Variants in USP32 observed in about 807,000 individuals in gnomAD.
The protein encoded by USP32 is ubiquitin carboxyl-terminal hydrolase 32.
USP32 carries 59 observed loss-of-function variants against 204.8 expected under a neutral mutation model. The observed-to-expected ratio is 0.29, with a 90% CI of 0.23 to 0.36. The LOEUF is 0.36. USP32 is among the 10% of genes least tolerant of loss of function. USP32 has a pLI of 1.00. For missense variants in USP32, 1,160 were observed against 1,946.4 expected (o/e 0.60, Z 7.60); for synonymous variants, 517 against 678.4 (o/e 0.76, Z 3.70).
At chr17:60,278,002 G>A (rs1190310835) in intron 5 of USP32, among the ~76,000 whole-genome samples, 3 of 149,850 alleles carry the variant, frequency 2.0e-5, no homozygotes, top group Admixed American at 6.6e-5. Context: ...AACCTCCTGG[G>A]CTCAAGTGAT....
In USP32 at chr17:60,345,628, G is replaced by T. The variant is rs777815802; in HGVS notation, c.59-20C>A. On this transcript the variant is annotated intron_variant, in intron 1 of 33. Transcript: ENST00000300896. ...CTGTAACTGCAATTCAGAAACAGAA[G>T]ATGGGTAAGAAATCAGGAGAGAAAA... is the stretch of plus-strand genomic sequence containing the variant. 6.2e-7 allele frequency: 1 copy of T among 1,613,698 alleles called. No individual in the cohort carries two copies. The highest frequency in any genetic ancestry group is 8.5e-7 in the Non-Finnish European group (1 of 1,179,784).
chr17:60,387,829 T>C (rs1351662616), intron 1 of USP32, among the ~76,000 whole-genome samples: 1 of 152,178 alleles, frequency 6.6e-6, no homozygotes, highest in African/African-American at 2.4e-5. Context: ...AACACAGTAA[T>C]GCATTGAAAA....
chr17:60,357,497 G>A (rs913805291), intron 1 of USP32, among the ~76,000 whole-genome samples: 1 of 151,642 alleles, frequency 6.6e-6, no homozygotes. Flanking sequence ...GACCAAGCAA[G>A]CAACAGAGCA....
intron 30 of USP32, among the ~76,000 whole-genome samples, chr17:60,184,212 G>A (rs917802203): frequency 1.3e-5 from 2 of 151,720 alleles, no homozygotes; most frequent in African/African-American, 4.8e-5. Flanking sequence ...CTACTCAGGA[G>A]GCTGAGGCAG....
chr17:60,367,935 C>T (rs574201504), intron 1 of USP32, among the ~76,000 whole-genome samples: 5 of 152,002 alleles, frequency 3.3e-5, no homozygotes, highest in African/African-American at 7.2e-5. Flanking sequence ...GCCATTTACA[C>T]GGCACTTACA....
At chr17:60,352,535 T>C (rs1310033916) in intron 1 of USP32, among the ~76,000 whole-genome samples, 1 of 152,210 alleles carries the variant, frequency 6.6e-6, no homozygotes, top group Non-Finnish European at 1.5e-5. Flanking sequence ...AACTTAAACC[T>C]AACTGATAAA....
chr17:60,249,312 A>C (rs1433572072), intron 11 of USP32: 1 of 158,206 alleles, frequency 6.3e-6, no homozygotes, highest in African/African-American at 2.4e-5. Context: ...GGGAAGAATA[A>C]AGTGCTAAAG....
intron 26 of USP32, among the ~76,000 whole-genome samples, chr17:60,203,668 C>G (rs2084747569): frequency 6.6e-6 from 1 of 151,982 alleles, no homozygotes; most frequent in Non-Finnish European, 1.5e-5. Context: ...CCTCCGCCTC[C>G]CAGGTTCAAG....
chr17:60,397,654 C>T (rs1231043776), intron 1 of USP32, among the ~76,000 whole-genome samples: 1 of 152,046 alleles, frequency 6.6e-6, no homozygotes, highest in Admixed American at 6.6e-5. Context: ...TGCATAGTCA[C>T]CCCACTACCT....
rs371386521 is a variant in USP32, at chr17:60,335,203, G to A, written c.186+10278C>T. On this transcript the variant is annotated intron_variant, in intron 2 of 33. Coordinates refer to ENST00000300896, the MANE Select transcript of USP32 (RefSeq NM_032582.4). ...TGTCAGGGCTGGTCTTAAACTCCTG[G>A]GCTCAAGCAATCCTTGAGATTCCGA... Among the ~76,000 whole-genome samples, 2 of 141,664 alleles carry A rather than the reference G, an allele frequency of 1.4e-5. 1 individual carries two copies. The highest frequency in any genetic ancestry group is 6.1e-5 in the African/African-American group (2 of 32,592). The allele number at this position is 141,664 out of a possible 152,430, so 92.9% of individuals were successfully genotyped here.
At chr17:60,401,217 G>C (rs1388868555) in intron 1 of USP32, among the ~76,000 whole-genome samples, 1 of 151,098 alleles carries the variant, frequency 6.6e-6, no homozygotes, top group Non-Finnish European at 1.5e-5. Context: ...GCACTTTGGG[G>C]GGCCAAGGTG....
At chr17:60,355,049 CA>C (rs1262779130) in intron 1 of USP32, among the ~76,000 whole-genome samples, 1 of 152,100 alleles carries the variant, frequency 6.6e-6, no homozygotes, top group Non-Finnish European at 1.5e-5. Flanking sequence ...GCCTCAAAAA[CA>C]AAAACATAAA....
At chr17:60,215,582 T>G (rs1453947003) in intron 16 of USP32, among the ~76,000 whole-genome samples, 1 of 152,114 alleles carries the variant, frequency 6.6e-6, no homozygotes, top group African/African-American at 2.4e-5. Context: ...TTCCTAAACT[T>G]TCTTTGAATC....
intron 15 of USP32, among the ~76,000 whole-genome samples, chr17:60,220,820 T>C (rs2085227029): frequency 6.6e-6 from 1 of 152,102 alleles, no homozygotes; most frequent in Non-Finnish European, 1.5e-5. Context: ...ATTTTGTTTT[T>C]GTATTTTTAG....
At position 60,349,214 on chromosome 17, in the gene USP32, C is replaced by T. The variant is rs146179201; in HGVS notation, c.59-3606G>A. Among the ~76,000 whole-genome samples, 40 of 150,664 alleles carry T rather than the reference C, an allele frequency of 2.7e-4. No individual in the cohort carries two copies. In the East Asian group the frequency reaches 4.7e-3, roughly 18 times the overall value. ...TTAATCTAATAGACTACCTGTATAA[C>T]AGTATAGGTAATCTCCTATAGTGTT... On this transcript the variant is annotated intron_variant, in intron 1 of 33. Transcript: ENST00000300896.
chr17:60,255,982 G>A (rs922991134), intron 9 of USP32, among the ~76,000 whole-genome samples: 1 of 152,100 alleles, frequency 6.6e-6, no homozygotes, highest in African/African-American at 2.4e-5. Flanking sequence ...ACATTGACTT[G>A]CAGAATCACT....
rs138902101 is a variant in USP32 at position 60,307,959 on chromosome 17, C to T, written c.187-6255G>A. ...CACACTGACAGGCACTGGCAGATGC[C>T]GGCAGGCCACTGACCAGCAGAACGA... On this transcript the variant is annotated intron_variant, in intron 2 of 33. Transcript: ENST00000300896. 5.2e-3 allele frequency among the ~76,000 whole-genome samples: 793 copies of T among 152,272 alleles called. 21 individuals are homozygous for T. The highest frequency in any genetic ancestry group is 0.038 in the Admixed American group (587 of 15,296).
intron 1 of USP32, among the ~76,000 whole-genome samples, chr17:60,347,062 G>C (rs1173126810): frequency 1.3e-5 from 2 of 152,112 alleles, no homozygotes; most frequent in Admixed American, 6.6e-5. Context: ...CAATAACAAA[G>C]AGAACAGAAC....
chr17:60,251,213 G>A (rs2086158985), intron 11 of USP32, among the ~76,000 whole-genome samples: 2 of 151,558 alleles, frequency 1.3e-5, no homozygotes, highest in South Asian at 4.2e-4. Flanking sequence ...AAAGTGCTGG[G>A]ATTACAGGCA....
Sources: allele counts gnomAD v4.1 joint callset (sites outside exome capture counted in the v4.1 genomes callset), GRCh38; gene constraint gnomAD v4.1.1; transcripts MANE v1.5; gene names NCBI Gene and HGNC (gene_info 2026-07-23, HGNC 2026-07-21).